The following MYO3B variants were observed in gnomAD, a reference collection of about 807,000 sequenced individuals.
MYO3B encodes the protein myosin IIIB.
MYO3B carries 156 observed loss-of-function variants against 174.6 expected under a neutral mutation model. The observed-to-expected ratio is 0.89, with a 90% confidence interval of 0.78 to 1.02. MYO3B has a LOEUF of 1.02. Among genes scored for constraint, MYO3B ranks in the 50% least tolerant of loss-of-function variants. The probability of loss-of-function intolerance (pLI) is 0.00; values close to 1 mark genes in which losing one functional copy is unlikely to be tolerated. For synonymous variants in MYO3B, 563 were observed against 569.1 expected (o/e 0.99, Z 0.15); for missense variants, 1,632 against 1,639.4 (o/e 1.00, Z 0.08).
At chr2:170,573,531 T>C (rs1011432414) in intron 32 of MYO3B, among the ~76,000 whole-genome samples, 63 of 152,274 alleles carry the variant, frequency 4.1e-4, no homozygotes, top group African/African-American at 1.4e-3. Context: ...CAATTAACCT[T>C]ATAAATAATC....
chr2:170,546,422 T>G (rs1559103333), intron 32 of MYO3B, among the ~76,000 whole-genome samples: 1 of 152,254 alleles, frequency 6.6e-6, no homozygotes, highest in African/African-American at 2.4e-5. Flanking sequence ...GAGAAAAGTT[T>G]TAAAATGTAT....
chr2:170,347,359 T>TG (rs2105584516), intron 8 of MYO3B, among the ~76,000 whole-genome samples: 1 of 152,246 alleles, frequency 6.6e-6, no homozygotes, highest in Non-Finnish European at 1.5e-5. Context: ...CCCAGCACTT[T>TG]GGTAGGCTGA....
chr2:170,594,058 G>A (rs4464238), intron 32 of MYO3B, among the ~76,000 whole-genome samples: 3,360 of 152,194 alleles, frequency 0.022, 41 homozygotes, highest in Middle Eastern at 0.051. Flanking sequence ...TTATGGTTCT[G>A]ATGGGGCCGT....
intron 32 of MYO3B, among the ~76,000 whole-genome samples, chr2:170,622,025 C>A (rs1015038648): frequency 2.6e-5 from 4 of 152,142 alleles, no homozygotes; most frequent in African/African-American, 9.7e-5. Flanking sequence ...TTGTTCTCAA[C>A]CTTCATTTCA....
intron 7 of MYO3B, among the ~76,000 whole-genome samples, chr2:170,260,782 T>G (rs1363475359): frequency 6.6e-6 from 1 of 152,148 alleles, no homozygotes; most frequent in Non-Finnish European, 1.5e-5. Context: ...AAAACCAAAT[T>G]GGAATGGGAC....
chr2:170,368,297 A>T (rs185165074), intron 8 of MYO3B, among the ~76,000 whole-genome samples: 2 of 152,350 alleles, frequency 1.3e-5, no homozygotes, highest in Non-Finnish European at 2.9e-5. Flanking sequence ...CTAAGCCTCC[A>T]ATGTGGGCTT....
chr2:170,313,893 G>A (rs1200642489), intron 7 of MYO3B, among the ~76,000 whole-genome samples: 1 of 152,078 alleles, frequency 6.6e-6, no homozygotes, highest in Non-Finnish European at 1.5e-5. Context: ...AAAATTGCAA[G>A]GAGAAGGGAG....
At chr2:170,186,749 T>A (rs1259444516) in intron 1 of MYO3B, among the ~76,000 whole-genome samples, 1 of 152,184 alleles carries the variant, frequency 6.6e-6, no homozygotes, top group Non-Finnish European at 1.5e-5. Context: ...AGCCATCAGG[T>A]TCCAGGATTT....
At chr2:170,421,440 T>C (rs1252245704) in intron 22 of MYO3B, among the ~76,000 whole-genome samples, 13 of 152,140 alleles carry the variant, frequency 8.5e-5, no homozygotes, top group Non-Finnish European at 1.8e-4. Flanking sequence ...GTGGCTAAAG[T>C]ACAGATCTTT....
chr2:170,357,922 G>A (rs964860338), intron 8 of MYO3B, among the ~76,000 whole-genome samples: 9 of 152,234 alleles, frequency 5.9e-5, no homozygotes, highest in Non-Finnish European at 8.8e-5. Flanking sequence ...GGAGGCCAAG[G>A]TGGGTGGATC....
chr2:170,472,967 G>T (rs1293813063), intron 25 of MYO3B, among the ~76,000 whole-genome samples: 1 of 151,806 alleles, frequency 6.6e-6, no homozygotes, highest in Non-Finnish European at 1.5e-5. Flanking sequence ...TCGCAAACTG[G>T]TGGGATTATA....
chr2:170,600,129 TG>T (rs1173715780), intron 32 of MYO3B, among the ~76,000 whole-genome samples: 236 of 144,068 alleles, frequency 1.6e-3, no homozygotes, highest in African/African-American at 6.3e-3. Context: ...TCCTTGTTGT[TG>T]TTGTTTTTTT....
chr2:170,525,543 A>G (rs1559083847), intron 30 of MYO3B, among the ~76,000 whole-genome samples: 1 of 152,182 alleles, frequency 6.6e-6, no homozygotes, highest in Admixed American at 6.6e-5. Context: ...TGCTGGTGCA[A>G]ATGTTTTCAC....
At chr2:170,624,584 C>G (rs929465692) in intron 32 of MYO3B, among the ~76,000 whole-genome samples, 2 of 152,080 alleles carry the variant, frequency 1.3e-5, no homozygotes, top group Admixed American at 6.6e-5. Flanking sequence ...TTGCCCTGGC[C>G]AGAACTTCCA....
At chr2:170,539,371 G>T (rs114863159) in intron 30 of MYO3B, among the ~76,000 whole-genome samples, 5 of 152,214 alleles carry the variant, frequency 3.3e-5, no homozygotes, top group African/African-American at 1.2e-4. Flanking sequence ...ATACATCCTG[G>T]GTGATATTAC....
intron 20 of MYO3B, 111 bp from the exon 21 acceptor site, chr2:170,405,434 G>GCCTTATTCTGAAAGC (rs1205774590): frequency 1.5e-5 from 13 of 848,214 alleles, no homozygotes; most frequent in Middle Eastern, 2.8e-4. Context: ...TAATATCAAG[G>GCCTTATTCTGAAAGC]CCTTATTCTG....
At chr2:170,474,544 C>T (rs1241554030) in intron 25 of MYO3B, among the ~76,000 whole-genome samples, 1 of 151,454 alleles carries the variant, frequency 6.6e-6, no homozygotes, top group African/African-American at 2.4e-5. Context: ...GAAGACCAGC[C>T]TGACCAACAT....
chr2:170,454,656 A>G (rs1683806426), intron 23 of MYO3B, among the ~76,000 whole-genome samples: 1 of 152,216 alleles, frequency 6.6e-6, no homozygotes, highest in Admixed American at 6.5e-5. Context: ...GTAGCCACAA[A>G]GGCAATCCCA....
chr2:170,446,196 G>C (rs1325128188), intron 23 of MYO3B, among the ~76,000 whole-genome samples: 1 of 152,212 alleles, frequency 6.6e-6, no homozygotes, highest in Non-Finnish European at 1.5e-5. Flanking sequence ...ATTTTAGCAA[G>C]TAGGCAAATC....
Sources: allele counts gnomAD v4.1 joint callset (sites outside exome capture counted in the v4.1 genomes callset), GRCh38; gene constraint gnomAD v4.1.1; transcripts MANE v1.5; gene names NCBI Gene and HGNC (gene_info 2026-07-23, HGNC 2026-07-21).